The following RHBDD1 variants were observed in gnomAD, a reference collection of about 807,000 sequenced individuals.
The protein encoded by RHBDD1 is rhomboid-related protein 4.
In RHBDD1, 38 loss-of-function variants were observed where a neutral mutation model predicts 36.3. The ratio of observed to expected loss-of-function variants is 1.05; its 90% confidence interval spans 0.81 to 1.37. RHBDD1 has a LOEUF of 1.37. RHBDD1 is among the 40% of genes most tolerant of loss of function. RHBDD1 has a pLI of 0.00. For missense variants in RHBDD1, 393 were observed against 377.6 expected (o/e 1.04, Z -0.34); for synonymous variants, 151 against 136.5 (o/e 1.11, Z -0.74).
At chr2:226,974,005 C>T (rs1954080032) in intron 8 of RHBDD1, among the ~76,000 whole-genome samples, 1 of 152,136 alleles carries the variant, frequency 6.6e-6, no homozygotes, top group African/African-American at 2.4e-5. Context: ...GCCCAGTGCC[C>T]CTCACCGCCT....
chr2:226,928,428 T>G (rs1949806904), intron 8 of RHBDD1, among the ~76,000 whole-genome samples: 1 of 152,004 alleles, frequency 6.6e-6, no homozygotes, highest in Admixed American at 6.6e-5. Flanking sequence ...GATATCAAGA[T>G]GGAAATTAAA....
intron 8 of RHBDD1, among the ~76,000 whole-genome samples, chr2:226,974,225 T>TTTTTA (rs145186235): frequency 0.018 from 2,740 of 148,216 alleles, 91 homozygotes; most frequent in African/African-American, 0.065. Flanking sequence ...TGTTGCCCTT[T>TTTTTA]TTTTATTTTA....
At chr2:226,982,035 T>C (rs917531775) in intron 8 of RHBDD1, among the ~76,000 whole-genome samples, 6 of 152,250 alleles carry the variant, frequency 3.9e-5, no homozygotes, top group African/African-American at 1.4e-4. Context: ...TATCATACTT[T>C]TGATAAGTAT....
At position 226,922,202 on chromosome 2, in the gene RHBDD1, C is replaced by CTTTTT. The variant is rs1017204610; in HGVS notation, c.856+7870_856+7874dup. Among the ~76,000 whole-genome samples, 305 of 105,000 alleles carry CTTTTT rather than the reference C, an allele frequency of 2.9e-3. 17 individuals are homozygous for CTTTTT. The highest frequency in any genetic ancestry group is 9.5e-3 in the African/African-American group (248 of 26,184). The allele number at this position is 105,000 out of a possible 152,430, so 68.9% of individuals were successfully genotyped here. The stretch of plus-strand genomic sequence containing the variant: ...TCCACTGGAATTAAGTATCTTTTTC[C>CTTTTT]TTTTTTTTTTTTTTTTTTTTTTTGA... On this transcript the variant is annotated intron_variant, in intron 8 of 8. Coordinates refer to ENST00000392062, the MANE Select transcript of RHBDD1 (RefSeq NM_001167608.3).
At chr2:226,957,296 A>T (rs1951849255) in intron 8 of RHBDD1, among the ~76,000 whole-genome samples, 1 of 152,238 alleles carries the variant, frequency 6.6e-6, no homozygotes, top group Admixed American at 6.5e-5. Context: ...GAAAACTCTT[A>T]GAAGAAAATA....
intron 8 of RHBDD1, among the ~76,000 whole-genome samples, chr2:226,978,376 A>G (rs1215131046): frequency 6.6e-6 from 1 of 152,178 alleles, no homozygotes; most frequent in Non-Finnish European, 1.5e-5. Flanking sequence ...TGGATGGTAA[A>G]GGGAAACATG....
At chr2:226,861,671 T>C (rs956936387) in intron 3 of RHBDD1, among the ~76,000 whole-genome samples, 1 of 152,246 alleles carries the variant, frequency 6.6e-6, no homozygotes, top group Admixed American at 6.5e-5. Flanking sequence ...AGTTTTTCCA[T>C]TGTTCCTGTT....
chr2:226,927,831 C>T (rs1386481018), intron 8 of RHBDD1, among the ~76,000 whole-genome samples: 1 of 151,966 alleles, frequency 6.6e-6, no homozygotes, highest in Non-Finnish European at 1.5e-5. Flanking sequence ...TTAGGGAATT[C>T]TTTATATATT....
At chr2:226,802,555 G>C in the RHBDD1 span, among the ~76,000 whole-genome samples, 10 of 152,204 alleles carry the variant, frequency 6.6e-5, no homozygotes, top group African/African-American at 2.2e-4. Context: ...ATGCTGAGCA[G>C]GTATGGGTAT....
intron 8 of RHBDD1, among the ~76,000 whole-genome samples, chr2:226,946,779 C>T (rs182722944): frequency 4.2e-4 from 64 of 152,216 alleles, no homozygotes; most frequent in Non-Finnish European, 3.2e-4. Flanking sequence ...TATACCCTCC[C>T]AAGACTAAAT....
chr2:226,820,644 CAAAA>C, the RHBDD1 span, among the ~76,000 whole-genome samples: 36 of 63,540 alleles, frequency 5.7e-4, no homozygotes, highest in African/African-American at 1.2e-3. Flanking sequence ...TCCATCTCCA[CAAAA>C]AAAAAAAAAA....
At chr2:226,954,263 TAGTG>T (rs1951637566) in intron 8 of RHBDD1, among the ~76,000 whole-genome samples, 2 of 152,174 alleles carry the variant, frequency 1.3e-5, no homozygotes, top group Admixed American at 6.5e-5. Flanking sequence ...TAATTATTAA[TAGTG>T]AGGGTGATTG....
At chr2:226,832,666 T>C (rs1397965847), upstream of RHBDD1, among the ~76,000 whole-genome samples, 2 of 152,242 alleles carry the variant, frequency 1.3e-5, no homozygotes, top group Non-Finnish European at 2.9e-5. Context: ...CATTTATAAC[T>C]GTTATATCTT....
In RHBDD1 at chr2:226,867,200, T is replaced by A; in HGVS notation, c.448T>A (p.Leu150Met). 1 of 1,610,134 alleles carries A rather than the reference T, an allele frequency of 6.2e-7. No individual in the cohort carries two copies. The highest frequency in any genetic ancestry group is 1.3e-5 in the African/African-American group (1 of 74,834). The change falls in exon 5 of 9, where the codon TTG (leucine) becomes ATG (methionine). Residue 150 changes from leucine to methionine, a missense_variant. Transcript: ENST00000392062. ...AVGFSGVLFA[L>M]KVLNNHYCPG... is the part of the protein sequence containing the mutation. ...TTCTCTTTTAGGAGTTTTGTTTGCTTTGAAAGTTCTTAACAACCATTATTG... is the reference window on the plus strand; with the variant it reads ...TTCTCTTTTAGGAGTTTTGTTTGCTATGAAAGTTCTTAACAACCATTATTG...
chr2:226,802,025 C>T, the RHBDD1 span, among the ~76,000 whole-genome samples: 2 of 151,828 alleles, frequency 1.3e-5, no homozygotes, highest in African/African-American at 2.4e-5. Context: ...CCTCCACCCC[C>T]CACCCCCCAA....
intron 3 of RHBDD1, among the ~76,000 whole-genome samples, chr2:226,860,411 CT>C (rs1230389156): frequency 6.6e-6 from 1 of 152,160 alleles, no homozygotes; most frequent in Admixed American, 6.5e-5. Context: ...CCTCTGTGGT[CT>C]TTCAGATAGC....
At chr2:226,843,628 C>T (rs1363622894) in intron 3 of RHBDD1, among the ~76,000 whole-genome samples, 4 of 152,092 alleles carry the variant, frequency 2.6e-5, no homozygotes, top group African/African-American at 7.2e-5. Context: ...CCAACTTGAT[C>T]GTGGTAGATA....
chr2:226,924,426 C>G (rs1020397211), intron 8 of RHBDD1, among the ~76,000 whole-genome samples: 1 of 152,192 alleles, frequency 6.6e-6, no homozygotes, highest in African/African-American at 2.4e-5. Flanking sequence ...TTTCTCTCCT[C>G]AAGCACTGGG....
At chr2:226,852,630 T>G (rs1218417144) in intron 3 of RHBDD1, among the ~76,000 whole-genome samples, 1 of 152,132 alleles carries the variant, frequency 6.6e-6, no homozygotes, top group Non-Finnish European at 1.5e-5. Context: ...GAAATAAATT[T>G]CTGTTGTTTG....
Sources: gnomAD v4.1 joint callset for allele counts (sites outside exome capture counted in the v4.1 genomes callset) on GRCh38, gnomAD v4.1.1 for gene constraint, MANE v1.5 for transcripts, NCBI Gene and HGNC (gene_info 2026-07-23, HGNC 2026-07-21) for gene names.